The following EIF2AK4 variants were observed in gnomAD, a reference collection of about 807,000 sequenced individuals.
EIF2AK4 encodes the protein eIF-2-alpha kinase GCN2.
In EIF2AK4, 139 loss-of-function variants were observed where a neutral mutation model predicts 211.1. The observed-to-expected ratio is 0.66, with a 90% CI of 0.57 to 0.76. The LOEUF (loss-of-function observed/expected upper bound fraction) is 0.76, where lower values mean the gene tolerates loss of function less well. EIF2AK4 is among the 30% of genes least tolerant of loss of function. The pLI is 0.00. For missense variants in EIF2AK4, 1,664 were observed against 2,043.8 expected (o/e 0.81, Z 3.58); for synonymous variants, 710 against 751.3 (o/e 0.94, Z 0.90).
intron 31 of EIF2AK4, 82 bp from the exon 32 acceptor site, chr15:40,022,437 C>A: frequency 1.7e-6 from 2 of 1,143,896 alleles, no homozygotes; most frequent in Non-Finnish European, 2.6e-6. Flanking sequence ...TAATTGGAAA[C>A]AGTATTTTCA....
At chr15:39,994,857 T>C (rs1485758395) in intron 18 of EIF2AK4, among the ~76,000 whole-genome samples, 1 of 151,962 alleles carries the variant, frequency 6.6e-6, no homozygotes, top group African/African-American at 2.4e-5. Flanking sequence ...TATTATTATT[T>C]TGAGATGGAG....
intron 6 of EIF2AK4, among the ~76,000 whole-genome samples, chr15:39,955,982 A>G (rs937956199): frequency 2.0e-5 from 3 of 150,618 alleles, no homozygotes; most frequent in African/African-American, 7.3e-5. Flanking sequence ...TCTATCATGA[A>G]TCTAGTTTTG....
chr15:39,988,241 G>C, intron 15 of EIF2AK4, 136 bp downstream of exon 15: 1 of 917,864 alleles, frequency 1.1e-6, no homozygotes, highest in South Asian at 1.7e-5. Flanking sequence ...ATCTATTTTT[G>C]TAGGAAATAG....
At position 40,025,960 on chromosome 15, in the gene EIF2AK4, G is replaced by A. The variant is rs562417601; in HGVS notation, c.4390-17G>A. The A allele has an allele frequency of 1.4e-5, 22 of 1,610,828 alleles. No homozygotes were observed. Among genetic ancestry groups the A allele is most frequent in the East Asian group, 4.5e-5 (2 of 44,856 alleles). Reference sequence around the variant, plus strand: ...TCAGAAACCTCCAAATGATAGATCCGTTTCATTCTTTTTAAGGTTAAGTCT... The same window carrying A: ...TCAGAAACCTCCAAATGATAGATCCATTTCATTCTTTTTAAGGTTAAGTCT... On this transcript the variant is annotated splice_polypyrimidine_tract_variant and intron_variant, in intron 32 of 38. Coordinates refer to ENST00000263791, the MANE Select transcript of EIF2AK4 (RefSeq NM_001013703.4).
chr15:39,987,242 G>A (rs193065281), intron 14 of EIF2AK4, among the ~76,000 whole-genome samples: 141 of 152,314 alleles, frequency 9.3e-4, no homozygotes, highest in African/African-American at 3.3e-3. Context: ...TCAGGATCAC[G>A]GTGTGGGCAT....
chr15:40,009,789 A>G, intron 26 of EIF2AK4, 59 bp downstream of exon 26: 3 of 1,188,854 alleles, frequency 2.5e-6, no homozygotes, highest in East Asian at 4.9e-5. Flanking sequence ...AAAGATAATA[A>G]TAATAGTTCC....
rs1037293946 is a variant in EIF2AK4, at chr15:39,976,939, T to TC, written c.2249+96dup. 37 of 1,349,906 alleles carry TC rather than the reference T, an allele frequency of 2.7e-5. No homozygotes were observed. The African/African-American group carries it at 4.9e-4, about 18-fold the overall frequency. The allele number at this position is 1,349,906 out of a possible 1,614,324, so 83.6% of individuals were successfully genotyped here. ...TTTTCCTTTCATTTCCTTCCTTCCT[T>TC]CTTTCCTTCTTTTCTTTCTTTCCTT... On this transcript the variant is annotated intron_variant, in intron 12 of 38. Transcript: ENST00000263791.
chr15:39,977,094 G>T, intron 12 of EIF2AK4: 1 of 407,016 alleles, frequency 2.5e-6, no homozygotes, highest in East Asian at 3.7e-5. Context: ...CCAGGGAAAA[G>T]GGGATTCATT....
intron 15 of EIF2AK4, among the ~76,000 whole-genome samples, chr15:39,988,780 C>T (rs1291698074): frequency 6.6e-6 from 1 of 152,158 alleles, no homozygotes; most frequent in Non-Finnish European, 1.5e-5. Context: ...ATGGGCGGAT[C>T]ACTTGAGGTC....
intron 7 of EIF2AK4, among the ~76,000 whole-genome samples, chr15:39,965,401 G>A (rs1297512691): frequency 6.6e-6 from 1 of 152,182 alleles, no homozygotes; most frequent in African/African-American, 2.4e-5. Context: ...TGGGATTACA[G>A]GCGTGAGCCA....
chr15:39,987,223 C>T (rs184116037), intron 14 of EIF2AK4, among the ~76,000 whole-genome samples: 29 of 152,312 alleles, frequency 1.9e-4, no homozygotes, highest in African/African-American at 5.1e-4. Flanking sequence ...GAGGTGCATC[C>T]GACATGCATC....
chr15:40,020,276 A>C (rs2035365583), intron 30 of EIF2AK4, among the ~76,000 whole-genome samples: 1 of 151,704 alleles, frequency 6.6e-6, no homozygotes, highest in African/African-American at 2.4e-5. Context: ...TTCCTAGAGA[A>C]AAATGGTATT....
intron 27 of EIF2AK4, 109 bp from the exon 28 acceptor site, chr15:40,016,393 T>C: frequency 7.6e-7 from 1 of 1,314,408 alleles, no homozygotes; most frequent in Non-Finnish European, 1.1e-6. Flanking sequence ...ACCACAAAGA[T>C]AATCGTAGCA....
intron 33 of EIF2AK4, among the ~76,000 whole-genome samples, chr15:40,028,278 T>C (rs917621654): frequency 6.6e-6 from 1 of 152,128 alleles, no homozygotes; most frequent in South Asian, 2.1e-4. Flanking sequence ...TCTCCCTATG[T>C]TGCCCAGGCT....
intron 24 of EIF2AK4, among the ~76,000 whole-genome samples, chr15:40,007,302 C>G (rs966707870): frequency 6.6e-6 from 1 of 152,190 alleles, no homozygotes; most frequent in African/African-American, 2.4e-5. Flanking sequence ...ACAGTCTATT[C>G]TGTACCTTCT....
At chr15:40,011,448 C>T in intron 27 of EIF2AK4, 102 bp downstream of exon 27, 1 of 933,336 alleles carries the variant, frequency 1.1e-6, no homozygotes, top group South Asian at 1.6e-5. Flanking sequence ...GCCAGCGCTT[C>T]CTACCACCTC....
chr15:39,976,471 G>A lies in EIF2AK4; in HGVS notation c.1876G>A (p.Ala626Thr). 1 of 1,610,750 alleles carries A rather than the reference G, an allele frequency of 6.2e-7. No individual in the cohort carries two copies. Among genetic ancestry groups the A allele is most frequent in the Non-Finnish European group, 8.5e-7 (1 of 1,179,128 alleles). ...AGTGAAGCGCATCCCCATCAACCCG[G>A]CCAGCCGGCAGTTCCGCAGGATCAA... ...YAVKRIPINP[A>T]SRQFRRIKGE... The change falls in exon 12 of 39, where the codon GCC becomes ACC. Residue 626 changes from alanine (A) to threonine (T), a missense_variant. By Grantham distance (58) the Ala-to-Thr change is moderately conservative. Around this residue, in one of 7 missense-constraint regions of EIF2AK4, gnomAD observed 37 missense variants for 84.0 expected, o/e 0.44. Coordinates refer to ENST00000263791, the MANE Select transcript of EIF2AK4 (RefSeq NM_001013703.4).
Position 39,988,220 on chromosome 15 carries a change from A to T in EIF2AK4, c.2526+115A>T, listed in dbSNP as rs1159724547. 21 of 1,084,340 alleles carry T rather than the reference A, an allele frequency of 1.9e-5. No individual in the cohort carries two copies. In the East Asian group the frequency reaches 5.2e-4, roughly 27 times the overall value. 67.2% of individuals were successfully genotyped at this position (1,084,340 alleles called of 1,614,324 possible). ...CTGAAATAGAGGGAAAGCTATGGGT[A>T]TATTGACATAATCTATTTTTGTAGG... On this transcript the variant is annotated intron_variant, in intron 15 of 38. Transcript: ENST00000263791.
At position 39,976,531 on chromosome 15, in the gene EIF2AK4, G is replaced by T. The variant is rs2034694361; in HGVS notation, c.1936G>T (p.Glu646Ter). The change falls in exon 12 of 39, where the codon GAG (glutamate) becomes TAG (stop). Residue 646 changes from glutamate (E) to a stop codon, truncating the protein, a stop_gained. Coordinates refer to ENST00000263791, the MANE Select transcript of EIF2AK4 (RefSeq NM_001013703.4). LOFTEE classifies it high-confidence loss of function. Reference protein sequence around the residue: ...EVTLLSRLHHENIVRYYNAWI... With the variant: ...EVTLLSRLHH ...GACACTGCTGTCACGGCTGCACCAT[G>T]AGAACATTGTGCGCTACTACAACGC... The T allele has an allele frequency of 6.2e-7, 1 of 1,612,984 alleles. No individual in the cohort carries two copies. The highest frequency in any genetic ancestry group is 1.7e-5 in the Admixed American group (1 of 59,956).
Sources: allele counts gnomAD v4.1 joint callset (sites outside exome capture counted in the v4.1 genomes callset), GRCh38; gene constraint gnomAD v4.1.1; regional missense constraint gnomAD v4.1.1; transcripts MANE v1.5; gene names NCBI Gene and HGNC (gene_info 2026-07-23, HGNC 2026-07-21).